The following MYO1E variants were observed in gnomAD, a reference collection of about 807,000 sequenced individuals.
MYO1E encodes myosin IE.
A neutral mutation model predicts 151.1 loss-of-function variants in MYO1E; 68 were observed. The observed-to-expected ratio is 0.45, with a 90% CI of 0.37 to 0.55. The LOEUF (loss-of-function observed/expected upper bound fraction) is 0.55. Among genes scored for constraint, MYO1E ranks in the 20% least tolerant of loss-of-function variants. The probability of loss-of-function intolerance (pLI) is 0.00; values close to 1 mark genes in which losing one functional copy is unlikely to be tolerated. For missense variants in MYO1E, 1,363 were observed against 1,389.3 expected (o/e 0.98, Z 0.30); for synonymous variants, 601 against 501.7 (o/e 1.20, Z -2.64).
chr15:59,202,965 C>T (rs976487275), intron 15 of MYO1E, among the ~76,000 whole-genome samples: 13 of 152,324 alleles, frequency 8.5e-5, no homozygotes, highest in Admixed American at 7.2e-4. Flanking sequence ...AGGCTGGTCT[C>T]AAACAACTGG....
intron 7 of MYO1E, among the ~76,000 whole-genome samples, chr15:59,226,636 A>C (rs1445967165): frequency 2.6e-5 from 4 of 152,020 alleles, no homozygotes; most frequent in Admixed American, 2.6e-4. Context: ...GTGAAACCCC[A>C]CCTCTACGAA....
intron 4 of MYO1E, among the ~76,000 whole-genome samples, chr15:59,238,582 G>GT (rs1164196665): frequency 1.3e-5 from 2 of 152,082 alleles, no homozygotes; most frequent in Non-Finnish European, 2.9e-5. Context: ...TATAGGAATG[G>GT]TTTTTTTGAA....
intron 4 of MYO1E, among the ~76,000 whole-genome samples, chr15:59,236,914 C>A (rs541840132): frequency 6.6e-6 from 1 of 152,170 alleles, no homozygotes; most frequent in Non-Finnish European, 1.5e-5. Flanking sequence ...GTGCACACCA[C>A]TGACCATTAA....
chr15:59,226,151 T>C (rs1028089539), intron 7 of MYO1E, among the ~76,000 whole-genome samples: 3 of 152,256 alleles, frequency 2.0e-5, no homozygotes, highest in Non-Finnish European at 4.4e-5. Flanking sequence ...TTCACTTATC[T>C]ATATATGTTG....
intron 1 of MYO1E, among the ~76,000 whole-genome samples, chr15:59,326,110 A>C (rs1272763412): frequency 5.3e-5 from 8 of 152,154 alleles, no homozygotes; most frequent in Non-Finnish European, 8.8e-5. Flanking sequence ...CCATTTGAGT[A>C]CATTTGTATT....
chr15:59,198,841 C>A (rs1429685938), intron 16 of MYO1E, among the ~76,000 whole-genome samples: 6 of 130,660 alleles, frequency 4.6e-5, no homozygotes, highest in South Asian at 2.7e-4. Context: ...AAAAAAAAAA[C>A]AAACCAAAAA....
intron 1 of MYO1E, among the ~76,000 whole-genome samples, chr15:59,279,341 A>C (rs2080339917): frequency 6.6e-6 from 1 of 152,150 alleles, no homozygotes; most frequent in Non-Finnish European, 1.5e-5. Flanking sequence ...GCAAACATAT[A>C]ATGTATCATT....
At chr15:59,245,586 C>G (rs1360948818) in intron 4 of MYO1E, among the ~76,000 whole-genome samples, 1 of 152,180 alleles carries the variant, frequency 6.6e-6, no homozygotes, top group Non-Finnish European at 1.5e-5. Context: ...AGATGGTCTA[C>G]TCACCAGAAA....
chr15:59,203,339 C>G (rs1241180085), intron 15 of MYO1E, among the ~76,000 whole-genome samples: 2 of 151,028 alleles, frequency 1.3e-5, no homozygotes, highest in African/African-American at 4.9e-5. Flanking sequence ...CAATTTTAAG[C>G]GGAGCAGTAA....
At chr15:59,174,368 A>G (rs751513626) in intron 19 of MYO1E, 128 bp from the exon 20 acceptor site, 22 of 724,912 alleles carry the variant, frequency 3.0e-5, no homozygotes, top group Non-Finnish European at 5.0e-5. Context: ...TCTCTGATTC[A>G]TGAACGAATA....
chr15:59,208,960 T>C (rs2140339099), intron 13 of MYO1E, 112 bp from the exon 14 acceptor site: 2 of 1,301,184 alleles, frequency 1.5e-6, no homozygotes, highest in African/African-American at 1.5e-5. Context: ...AGATACCATC[T>C]TGAAAGTCAG....
Position 59,258,954 on chromosome 15 carries a change from G to GTTTT in MYO1E, c.237+2462_237+2465dup, listed in dbSNP as rs201872129. 2.7e-5 allele frequency among the ~76,000 whole-genome samples: 4 copies of GTTTT among 148,648 alleles called. 1 individual carries two copies. Among genetic ancestry groups the GTTTT allele is most frequent in the East Asian group, 2.0e-4 (1 of 4,898 alleles). ...CTTAATTTAACAATTCCCCTCTCTT[G>GTTTT]TTTTTTTTTGTTTTTGTTTTTAAAT... On this transcript the variant is annotated intron_variant, in intron 3 of 27. Coordinates refer to ENST00000288235, the MANE Select transcript of MYO1E (RefSeq NM_004998.4).
chr15:59,371,770 T>C (rs1218355219), intron 1 of MYO1E, among the ~76,000 whole-genome samples: 1 of 152,126 alleles, frequency 6.6e-6, no homozygotes. Flanking sequence ...AGGAGGTGTT[T>C]ACTTGGCGTC....
At chr15:59,341,160 A>G (rs1270478421) in intron 1 of MYO1E, among the ~76,000 whole-genome samples, 3 of 152,208 alleles carry the variant, frequency 2.0e-5, no homozygotes, top group Non-Finnish European at 2.9e-5. Context: ...TAATAATCAC[A>G]TGATCGAAAA....
intron 1 of MYO1E, among the ~76,000 whole-genome samples, chr15:59,342,821 A>C (rs1438511521): frequency 1.3e-5 from 2 of 152,178 alleles, no homozygotes; most frequent in African/African-American, 2.4e-5. Flanking sequence ...GCTTGCAAAT[A>C]ACATCTTATA....
rs746618883 is a variant in MYO1E at position 59,261,556 on chromosome 15, C to T, written c.148-47G>A. ...TCCATCATTAATATTCATAGCTACACATTTTTCAAATTAAGTAACCAGATG... is the reference window on the plus strand; with the variant it reads ...TCCATCATTAATATTCATAGCTACATATTTTTCAAATTAAGTAACCAGATG... On this transcript the variant is annotated intron_variant, in intron 2 of 27. Transcript: ENST00000288235. 4.7e-6 allele frequency: 6 copies of T among 1,264,376 alleles called. No individual in the cohort carries two copies. The Admixed American group carries it at 6.8e-5, about 14-fold the overall frequency. The allele number at this position is 1,264,376 out of a possible 1,614,324, so 78.3% of individuals were successfully genotyped here.
chr15:59,172,099 G>A (rs2079598799), intron 21 of MYO1E, 57 bp from the exon 22 acceptor site: 1 of 1,582,938 alleles, frequency 6.3e-7, no homozygotes, highest in Admixed American at 1.7e-5. Flanking sequence ...GCTCACACCT[G>A]TAATCCCAGT....
At position 59,278,184 on chromosome 15, in the gene MYO1E, G is replaced by A. The variant is rs2080332729; in HGVS notation, c.4-5735C>T. Among the ~76,000 whole-genome samples the A allele has an allele frequency of 2.6e-5, 4 of 152,200 alleles. No individual in the cohort carries two copies. The South Asian group carries it at 8.3e-4, about 32-fold the overall frequency. On this transcript the variant is annotated intron_variant, in intron 1 of 27. Transcript: ENST00000288235. ...TGTGTGGACAGTAAGATAGTATCAT[G>A]TCTGAGCCATTTAGTTGGCCCATGA... is the stretch of plus-strand genomic sequence containing the variant.
intron 16 of MYO1E, 87 bp downstream of exon 16, chr15:59,202,239 C>T (rs2079806540): frequency 8.6e-7 from 1 of 1,166,212 alleles, no homozygotes; most frequent in Non-Finnish European, 1.3e-6. Context: ...TCTCACTGAC[C>T]TCATCCTGGC....
Sources: gnomAD v4.1 joint callset for allele counts (sites outside exome capture counted in the v4.1 genomes callset) on GRCh38, gnomAD v4.1.1 for gene constraint, MANE v1.5 for transcripts, NCBI Gene and HGNC (gene_info 2026-07-23, HGNC 2026-07-21) for gene names.